DPF3: variants seen among roughly 807,000 people sequenced by gnomAD.
DPF3 encodes the protein double PHD fingers 3, also known as zinc finger protein DPF3.
DPF3 carries 18 observed loss-of-function variants against 56.8 expected under a neutral mutation model. That is an observed-to-expected ratio of 0.32 (90% CI 0.22 to 0.47). The LOEUF (loss-of-function observed/expected upper bound fraction) is 0.47. Among genes scored for constraint, DPF3 ranks in the 20% least tolerant of loss-of-function variants. The pLI is 1.00. For missense variants in DPF3, 403 were observed against 488.8 expected (o/e 0.82, Z 1.65); for synonymous variants, 188 against 180.2 (o/e 1.04, Z -0.35).
At chr14:72,867,446 C>T (rs1221135970) in intron 1 of DPF3, among the ~76,000 whole-genome samples, 3 of 152,156 alleles carry the variant, frequency 2.0e-5, no homozygotes, top group African/African-American at 7.2e-5. Flanking sequence ...CAAGCACTAG[C>T]TCTCCTATGA....
chr14:72,819,587 C>G (rs1218008564), intron 1 of DPF3, among the ~76,000 whole-genome samples: 1 of 151,970 alleles, frequency 6.6e-6, no homozygotes, highest in Non-Finnish European at 1.5e-5. Context: ...ATGTACACAA[C>G]AATGTGGATA....
intron 1 of DPF3, among the ~76,000 whole-genome samples, chr14:72,804,559 C>T (rs1893014052): frequency 6.6e-6 from 1 of 152,148 alleles, no homozygotes; most frequent in African/African-American, 2.4e-5. Context: ...AGCACAAGGC[C>T]TTCTTTCATG....
chr14:72,834,900 A>C (rs1235993909), intron 1 of DPF3, among the ~76,000 whole-genome samples: 2 of 152,236 alleles, frequency 1.3e-5, no homozygotes, highest in African/African-American at 4.8e-5. Context: ...ATGCAACAAC[A>C]TGGCTGAACG....
At chr14:72,713,232 A>G (rs946842764) in intron 6 of DPF3, among the ~76,000 whole-genome samples, 1 of 152,280 alleles carries the variant, frequency 6.6e-6, no homozygotes, top group African/African-American at 2.4e-5. Flanking sequence ...TCATCTCAGG[A>G]ATGGCATCTG....
intron 1 of DPF3, among the ~76,000 whole-genome samples, chr14:72,863,057 TTTATATATATATATATATATATATATA>T: frequency 1.0e-5 from 1 of 96,678 alleles, no homozygotes; most frequent in South Asian, 3.8e-4. Flanking sequence ...TATTATTCCA[TTTATATATATATATATATATATATATA>T]TATATATATA....
chr14:72,746,914 G>A (rs1890350315), intron 3 of DPF3, among the ~76,000 whole-genome samples: 1 of 152,264 alleles, frequency 6.6e-6, no homozygotes, highest in Admixed American at 6.5e-5. Flanking sequence ...GTTACGGCAG[G>A]CCCGACAACG....
At chr14:72,727,289 T>C (rs987463458) in intron 4 of DPF3, among the ~76,000 whole-genome samples, 2 of 152,104 alleles carry the variant, frequency 1.3e-5, no homozygotes, top group African/African-American at 2.4e-5. Flanking sequence ...GTTAAATCCC[T>C]CAACTCGACC....
intron 1 of DPF3, among the ~76,000 whole-genome samples, chr14:72,822,800 A>G (rs917239861): frequency 2.6e-5 from 4 of 151,948 alleles, no homozygotes; most frequent in Non-Finnish European, 4.4e-5. Flanking sequence ...TTTTAGAAGG[A>G]AAGAGAGTGT....
intron 6 of DPF3, among the ~76,000 whole-genome samples, chr14:72,714,032 A>G (rs1219245686): frequency 6.6e-6 from 1 of 152,228 alleles, no homozygotes; most frequent in African/African-American, 2.4e-5. Context: ...CGAGCCAAGT[A>G]CCTTTGTCGG....
intron 5 of DPF3, among the ~76,000 whole-genome samples, chr14:72,722,196 C>G (rs1306066333): frequency 6.6e-6 from 1 of 152,048 alleles, no homozygotes; most frequent in Non-Finnish European, 1.5e-5. Flanking sequence ...GAAAAAAAAT[C>G]AAACAAACAC....
At position 72,731,837 on chromosome 14, in the gene DPF3, G is replaced by A. The variant is rs747480087; in HGVS notation, c.399C>T (p.Ala133=). Residue 133 remains alanine (A), a synonymous_variant, in exon 4 of 11, where the codon GCC becomes GCT. Transcript: ENST00000556509. The part of the protein sequence containing the change: ...RGEGVEKKVD[A]REEESIQEIQ... ...TTTCCTGGATGCTTTCCTCCTCCCT[G>A]GCATCCACCTTCTTCTCAACCCCCT... is the stretch of plus-strand genomic sequence containing the variant. 7 of 1,613,334 alleles carry A rather than the reference G, an allele frequency of 4.3e-6. No individual in the cohort carries two copies. The highest frequency in any genetic ancestry group is 2.2e-5 in the East Asian group (1 of 44,870).
At position 72,619,967 on chromosome 14, in the gene DPF3, G is replaced by A. The variant is rs539267929; in HGVS notation, c.1002C>T (p.Cys334=). The A allele has an allele frequency of 2.6e-4, 400 of 1,534,548 alleles. No homozygotes were observed. Among genetic ancestry groups the A allele is most frequent in the African/African-American group, 1.1e-3 (82 of 73,136 alleles). The change falls in exon 10 of 11, where the codon TGC becomes TGT. Residue 334 remains cysteine, a synonymous_variant. Transcript: ENST00000556509. ...TGTGATAGCCTCGGTCACAGTCATC[G>A]CAGAAGAGTAGCTGGTCCTGGTGGA... The part of the protein sequence containing the change: ...TSENDDQLLF[C]DDCDRGYHMY...
rs372597512 is a variant in DPF3 at position 72,649,660 on chromosome 14, TG to T, written c.872-19925del. ...CTCAATTGTCTCACTCATCCCTGGG[TG>T]GGGGGGGGGATTAATGTATTAGTAC... On this transcript the variant is annotated intron_variant, in intron 8 of 10. Coordinates refer to ENST00000556509, the MANE Select transcript of DPF3 (RefSeq NM_001280542.3). Among the ~76,000 whole-genome samples the T allele has an allele frequency of 2.2e-3, 136 of 60,986 alleles. 6 individuals are homozygous for T. The highest frequency in any genetic ancestry group is 3.0e-3 in the East Asian group (4 of 1,332). 40.0% of individuals were successfully genotyped at this position (60,986 alleles called of 152,430 possible).
chr14:72,645,536 G>T (rs2153568106), intron 8 of DPF3, among the ~76,000 whole-genome samples: 1 of 152,188 alleles, frequency 6.6e-6, no homozygotes, highest in East Asian at 1.9e-4. Context: ...GCCCAAGCTG[G>T]TAAGAAGGGA....
intron 3 of DPF3, among the ~76,000 whole-genome samples, chr14:72,752,527 G>C (rs4903052): frequency 1.3e-5 from 2 of 152,118 alleles, no homozygotes. Flanking sequence ...GCTGGGAGTG[G>C]TGGTGCACAT....
At chr14:72,771,597 T>C in intron 2 of DPF3, 136 bp downstream of exon 2, 1 of 959,300 alleles carries the variant, frequency 1.0e-6, no homozygotes, top group East Asian at 3.3e-5. Context: ...TTCTTTAAGG[T>C]ATCTCAGAGG....
intron 1 of DPF3, among the ~76,000 whole-genome samples, chr14:72,863,339 G>A (rs1166936345): frequency 6.6e-6 from 1 of 151,820 alleles, no homozygotes; most frequent in Non-Finnish European, 1.5e-5. Flanking sequence ...GTGGACTCAG[G>A]AGGAGTTGCA....
chr14:72,629,540 C>T, intron 9 of DPF3, 84 bp downstream of exon 9: 1 of 1,324,214 alleles, frequency 7.6e-7, no homozygotes, highest in African/African-American at 1.5e-5. Context: ...GGCCTAGTGA[C>T]AAGAGTCCTT....
At chr14:72,875,869 C>A (rs1003576514) in intron 1 of DPF3, among the ~76,000 whole-genome samples, 10 of 152,178 alleles carry the variant, frequency 6.6e-5, no homozygotes, top group Middle Eastern at 3.2e-3. Flanking sequence ...CACCCCGATC[C>A]CCCTAGGAGG....
Sources: allele counts gnomAD v4.1 joint callset (sites outside exome capture counted in the v4.1 genomes callset), GRCh38; gene constraint gnomAD v4.1.1; transcripts MANE v1.5; gene names NCBI Gene and HGNC (gene_info 2026-07-23, HGNC 2026-07-21).